Variants in MROH7 observed in about 807,000 individuals in gnomAD.
MROH7 encodes maestro heat-like repeat-containing protein family member 7.
Under a neutral mutation model 129.2 loss-of-function variants are expected in MROH7, and 113 were observed. The observed-to-expected ratio is 0.87, with a 90% CI of 0.75 to 1.02. MROH7 has a LOEUF of 1.02. Ranked by LOEUF, MROH7 falls within the 50% of genes least tolerant of loss-of-function variation. The pLI is 0.00. For synonymous variants in MROH7, 655 were observed against 667.9 expected, an observed-to-expected ratio of 0.98 and a Z score of 0.30; for missense variants, 1,601 against 1,671.3, an observed-to-expected ratio of 0.96 and a Z score of 0.73.
intron 1 of MROH7, among the ~76,000 whole-genome samples, chr1:54,644,204 T>A (rs12142807): frequency 0.048 from 7,140 of 149,328 alleles, 220 homozygotes; most frequent in Middle Eastern, 0.11. Flanking sequence ...TTTGTTATTG[T>A]TCCACAGATT....
At chr1:54,708,871 G>A (rs1232485068) in intron 22 of MROH7, 143 bp from the exon 23 acceptor site, 1 of 721,612 alleles carries the variant, frequency 1.4e-6, no homozygotes, top group Non-Finnish European at 2.5e-6. Context: ...TCTGTCCCAG[G>A]GTCCAAATGA....
intron 22 of MROH7, 47 bp from the exon 23 acceptor site, chr1:54,708,967 G>GGGGGGGGGGGGGCC: frequency 7.5e-7 from 1 of 1,329,358 alleles, no homozygotes; most frequent in Non-Finnish European, 1.0e-6. Flanking sequence ...TTGGGGTGGG[G>GGGGGGGGGGGGGCC]TCGACGTCGG....
rs562389047 is a variant in MROH7 at position 54,674,051 on chromosome 1, G to A, written c.1836G>A (p.Leu612=). ...GGTTCCCGGCGCTGGGGCTTCTGCT[G>A]GGGAGACTCATCCTTCACATTGGGG... ...PLGFPALGLL[L]GRLILHIGDP... The change falls in exon 10 of 24, where the codon CTG becomes CTA. Residue 612 remains leucine, a synonymous_variant. Coordinates refer to ENST00000421030, the MANE Select transcript of MROH7 (RefSeq NM_001039464.4). The A allele has an allele frequency of 6.2e-7, 1 of 1,614,026 alleles. No homozygotes were observed. The highest frequency in any genetic ancestry group is 1.7e-5 in the Admixed American group (1 of 59,984).
At chr1:54,666,574 AC>A (rs559373235) in intron 4 of MROH7, among the ~76,000 whole-genome samples, 374 of 150,834 alleles carry the variant, frequency 2.5e-3, no homozygotes, top group Non-Finnish European at 4.1e-3. Flanking sequence ...AGCTGGGATT[AC>A]AGGCATGAGC....
chr1:54,659,103 G>GT (rs752589336), intron 3 of MROH7: 363 of 427,532 alleles, frequency 8.5e-4, no homozygotes, highest in Middle Eastern at 2.2e-3. Flanking sequence ...TGTTTGTTTT[G>GT]TTTTTTTTTA....
chr1:54,679,201 G>A (rs988499508), intron 11 of MROH7, 62 bp from the exon 12 acceptor site: 1 of 1,564,346 alleles, frequency 6.4e-7, no homozygotes, highest in African/African-American at 1.4e-5. Flanking sequence ...TGTGCACAAA[G>A]CTCGAAGCTC....
chr1:54,682,755 C>T lies in MROH7; in HGVS notation c.2481C>T (p.Pro827=), dbSNP rs373560126. 9.9e-6 allele frequency: 16 copies of T among 1,613,968 alleles called. No individual in the cohort carries two copies. Among genetic ancestry groups the T allele is most frequent in the African/African-American group, 6.7e-5 (5 of 75,062 alleles). ...DLLLGSLKEK[P]VTKEGRASIV... is the part of the protein sequence containing the mutation. ...TCCTGGGCAGCCTGAAGGAGAAGCC[C>T]GTCACCAAGGAGGGCCGGGCTTCCA... Residue 827 remains proline (P), a synonymous_variant, in exon 14 of 24, where the codon CCC becomes CCT. Coordinates refer to ENST00000421030, the MANE Select transcript of MROH7 (RefSeq NM_001039464.4).
chr1:54,656,007 C>T (rs901837848), intron 3 of MROH7, among the ~76,000 whole-genome samples: 3 of 150,826 alleles, frequency 2.0e-5, no homozygotes, highest in African/African-American at 7.3e-5. Context: ...GATTCTCCTG[C>T]CTCAGCCTCC....
chr1:54,700,420 T>C lies in MROH7; in HGVS notation c.3064T>C (p.Ser1022Pro). 1 of 1,611,740 alleles carries C rather than the reference T, an allele frequency of 6.2e-7. No homozygotes were observed. The highest frequency in any genetic ancestry group is 8.5e-7 in the Non-Finnish European group (1 of 1,178,672). The change falls in exon 18 of 24, where the codon TCC (serine) becomes CCC (proline). Residue 1022 changes from serine to proline, a missense_variant. Transcript: ENST00000421030. ...SHHDPIMKVLSIRGLVILARR... is the reference protein window; with the variant it reads ...SHHDPIMKVLPIRGLVILARR... ...CCACGACCCCATCATGAAGGTGCTG[T>C]CCATTCGAGGCCTGGTCATCCTGGC...
chr1:54,651,870 G>C (rs934163104), intron 1 of MROH7, 79 bp from the exon 2 acceptor site: 12 of 151,772 alleles, frequency 7.9e-5, no homozygotes, highest in African/African-American at 2.9e-4. Flanking sequence ...AGACGTGCAT[G>C]CCTGGCCTGT....
chr1:54,690,379 G>A (rs1395638929), intron 15 of MROH7, among the ~76,000 whole-genome samples: 22 of 152,020 alleles, frequency 1.4e-4, no homozygotes, highest in Admixed American at 1.4e-3. Flanking sequence ...AGGGAGTGAG[G>A]TGAAATGACA....
chr1:54,662,731 A>G (rs1455102065), intron 3 of MROH7, among the ~76,000 whole-genome samples: 1 of 152,148 alleles, frequency 6.6e-6, no homozygotes, highest in Non-Finnish European at 1.5e-5. Context: ...GCCCTATTCA[A>G]AAGTCACCAA....
intron 18 of MROH7, 127 bp downstream of exon 18, chr1:54,700,588 G>C (rs1297437099): frequency 3.4e-6 from 3 of 883,348 alleles, no homozygotes; most frequent in African/African-American, 1.7e-5. Context: ...CTTAGCCTCA[G>C]TTGTCCCATC....
At chr1:54,647,904 CA>C (rs35151019) in intron 1 of MROH7, among the ~76,000 whole-genome samples, 1,868 of 87,064 alleles carry the variant, frequency 0.021, 10 homozygotes, top group African/African-American at 0.027. Flanking sequence ...GACTCCATCT[CA>C]AAAAAAAAAA....
chr1:54,704,341 G>A (rs182561785), intron 21 of MROH7, among the ~76,000 whole-genome samples: 14 of 152,032 alleles, frequency 9.2e-5, no homozygotes, highest in Admixed American at 2.0e-4. Flanking sequence ...CCCAGACCCC[G>A]TTGAAGGTAG....
chr1:54,691,786 C>CAA lies in MROH7; in HGVS notation c.2712-622_2712-621dup, dbSNP rs1199947432. ...GCACCATTGCACTCCAGCCTGGCGA[C>CAA]AAAAAAAAAAAAAAAAAGTGTGTGT... On this transcript the variant is annotated intron_variant, in intron 15 of 23. Coordinates refer to ENST00000421030, the MANE Select transcript of MROH7 (RefSeq NM_001039464.4). Among the ~76,000 whole-genome samples the CAA allele has an allele frequency of 2.4e-4, 16 of 65,726 alleles. 1 individual carries two copies. Among genetic ancestry groups the CAA allele is most frequent in the African/African-American group, 9.4e-4 (16 of 17,036 alleles). The allele number at this position is 65,726 out of a possible 152,430, so 43.1% of individuals were successfully genotyped here. A position where few individuals can be genotyped will look rare whatever the true frequency, so the allele number is the denominator to read the frequency against.
At position 54,686,317 on chromosome 1, in the gene MROH7, C is replaced by T; in HGVS notation, c.2580C>T (p.Arg860=). ...ACAGCTGCATGGGCCGTGTGAGGCG[C>T]ATCTACCCTCAGCTGCTCCTGGCCC... ...SVNSCMGRVR[R]IYPQLLLALL... The change falls in exon 15 of 24, where the codon CGC becomes CGT. Residue 860 remains arginine, a synonymous_variant. Transcript: ENST00000421030. 6.2e-7 allele frequency: 1 copy of T among 1,614,142 alleles called. No homozygotes were observed. Among genetic ancestry groups the T allele is most frequent in the Admixed American group, 1.7e-5 (1 of 60,028 alleles).
intron 17 of MROH7, chr1:54,699,796 A>G: frequency 2.7e-6 from 1 of 365,284 alleles, no homozygotes. Flanking sequence ...GAGGAAGTCC[A>G]GGGCACCCAA....
intron 3 of MROH7, among the ~76,000 whole-genome samples, chr1:54,660,452 G>A (rs1028778433): frequency 4.6e-5 from 7 of 152,150 alleles, no homozygotes; most frequent in South Asian, 4.1e-4. Flanking sequence ...ATTAATTTAC[G>A]CTTCCACAAA....
Sources: gnomAD v4.1 joint callset for allele counts (sites outside exome capture counted in the v4.1 genomes callset) on GRCh38, gnomAD v4.1.1 for gene constraint, MANE v1.5 for transcripts, NCBI Gene and HGNC (gene_info 2026-07-23, HGNC 2026-07-21) for gene names.